AHSA1: variants seen among roughly 807,000 people sequenced by gnomAD.
AHSA1 encodes the protein activator of 90 kDa heat shock protein ATPase homolog 1.
In AHSA1, 14 loss-of-function variants were observed where a neutral mutation model predicts 46.1. The ratio of observed to expected loss-of-function variants is 0.30; its 90% CI spans 0.20 to 0.47. The LOEUF (loss-of-function observed/expected upper bound fraction) is 0.47. Ranked by LOEUF, AHSA1 falls within the 20% of genes least tolerant of loss-of-function variation. The pLI, the probability that AHSA1 is intolerant of heterozygous loss-of-function variation, is 0.99. For missense variants in AHSA1, 333 were observed against 415.9 expected, an observed-to-expected ratio of 0.80 and a Z score of 1.73; for synonymous variants, 147 against 145.8, an observed-to-expected ratio of 1.01 and a Z score of -0.06.
chr14:77,460,173 T>C (rs1474336631), intron 2 of AHSA1: 2 of 301,852 alleles, frequency 6.6e-6, no homozygotes, highest in Non-Finnish European at 1.3e-5. Flanking sequence ...GTGCACTGTC[T>C]TCAGTGTGAA....
At chr14:77,463,029 C>G (rs988997870) in intron 4 of AHSA1, 6 of 328,996 alleles carry the variant, frequency 1.8e-5, no homozygotes, top group African/African-American at 4.2e-5. Context: ...CTTGTAATCC[C>G]AGCACTGTTG....
intron 8 of AHSA1, chr14:77,468,740 T>TTTAAC: frequency 2.1e-6 from 1 of 468,336 alleles, no homozygotes; most frequent in Non-Finnish European, 3.7e-6. Context: ...TTTTTTTTTT[T>TTTAAC]TTTTTACTTT....
intron 8 of AHSA1, 155 bp downstream of exon 8, chr14:77,468,663 A>C: frequency 2.9e-6 from 2 of 680,426 alleles, no homozygotes. Flanking sequence ...CCCAGACCCA[A>C]ACGATCCTCC....
chr14:77,465,643 C>T lies in AHSA1; in HGVS notation c.666C>T (p.Leu222=). Residue 222 remains leucine, a synonymous_variant, in exon 6 of 9, where the codon CTC becomes CTT. Transcript: ENST00000216479. ...KETFLTSPEE[L]YRVFTTQELV... ...CCTTCCTGACGTCACCAGAGGAGCT[C>T]TATAGAGTGTTTACCACCCAAGAGG... 6.2e-7 allele frequency: 1 copy of T among 1,613,776 alleles called. No individual in the cohort carries two copies. The highest frequency in any genetic ancestry group is 1.1e-5 in the South Asian group (1 of 91,076).
At chr14:77,464,529 G>C in intron 4 of AHSA1, 69 bp from the exon 5 acceptor site, 2 of 1,315,402 alleles carry the variant, frequency 1.5e-6, no homozygotes, top group South Asian at 2.6e-5. Flanking sequence ...TGTTTGTCAA[G>C]CTGTAATGAA....
intron 6 of AHSA1, 51 bp downstream of exon 6, chr14:77,465,718 C>T: frequency 6.3e-7 from 1 of 1,599,020 alleles, no homozygotes; most frequent in Non-Finnish European, 8.5e-7. Context: ...TTCTAGGTGA[C>T]TTGAGTTGGG....
At chr14:77,459,462 A>C (rs573779407) in intron 1 of AHSA1, among the ~76,000 whole-genome samples, 154 bp from the exon 2 acceptor site, 1 of 152,270 alleles carries the variant, frequency 6.6e-6, no homozygotes, top group East Asian at 1.9e-4. Flanking sequence ...CCTAAAAAAG[A>C]ATGACATGTT....
In AHSA1 at chr14:77,462,671, T is replaced by C; in HGVS notation, c.384T>C (p.Pro128=). The change falls in exon 4 of 9, where the codon CCT becomes CCC. Residue 128 remains proline, a synonymous_variant. Coordinates refer to ENST00000216479, the MANE Select transcript of AHSA1 (RefSeq NM_012111.3). ...EISVSLAKDE[P]DTNLVALMKE... ...GTGTGAGCCTTGCCAAAGATGAGCC[T>C]GACACAAATCTCGTGGCCTTAATGA... is the stretch of plus-strand genomic sequence containing the variant. 6.2e-7 allele frequency: 1 copy of C among 1,614,178 alleles called. No individual in the cohort carries two copies. The highest frequency in any genetic ancestry group is 8.5e-7 in the Non-Finnish European group (1 of 1,180,008).
chr14:77,459,362 A>G (rs752455781), intron 1 of AHSA1, among the ~76,000 whole-genome samples: 4 of 152,128 alleles, frequency 2.6e-5, no homozygotes, highest in African/African-American at 4.8e-5. Context: ...CCGCACCATC[A>G]TGCCGAGAAA....
intron 2 of AHSA1, among the ~76,000 whole-genome samples, chr14:77,461,258 C>T (rs570414264): frequency 2.7e-5 from 4 of 150,130 alleles, no homozygotes; most frequent in Admixed American, 6.6e-5. Context: ...AAGCCAGGCG[C>T]GGCGGCTCAC....
intron 6 of AHSA1, among the ~76,000 whole-genome samples, chr14:77,467,397 C>CA (rs887153031): frequency 6.0e-5 from 9 of 149,386 alleles, no homozygotes; most frequent in Non-Finnish European, 1.2e-4. Flanking sequence ...AGACCTATCT[C>CA]AAAAAAAATA....
At chr14:77,464,045 T>C (rs897926961) in intron 4 of AHSA1, among the ~76,000 whole-genome samples, 1 of 152,258 alleles carries the variant, frequency 6.6e-6, no homozygotes, top group Admixed American at 6.5e-5. Context: ...GCACTTAATA[T>C]GTTATAATGT....
upstream of AHSA1, chr14:77,457,985 G>T (rs1281867456): frequency 3.8e-6 from 2 of 532,182 alleles, no homozygotes; most frequent in Non-Finnish European, 6.5e-6. Flanking sequence ...AACCCACGGT[G>T]CGGCGAGTTG....
intron 1 of AHSA1, among the ~76,000 whole-genome samples, chr14:77,459,395 G>C (rs2079010089): frequency 6.6e-6 from 1 of 152,144 alleles, no homozygotes; most frequent in East Asian, 1.9e-4. Flanking sequence ...TTTCCATTGA[G>C]TTTATACCAT....
intron 6 of AHSA1, among the ~76,000 whole-genome samples, chr14:77,466,759 T>C (rs1188758450): frequency 9.2e-5 from 14 of 152,232 alleles, no homozygotes; most frequent in Non-Finnish European, 1.6e-4. Context: ...ACTCCAGAGA[T>C]GTGTTATGAC....
chr14:77,462,106 C>G lies in AHSA1; in HGVS notation c.272-54C>G, dbSNP rs1013115682. 5 of 1,387,026 alleles carry G rather than the reference C, an allele frequency of 3.6e-6. No homozygotes were observed. The African/African-American group carries it at 7.1e-5, about 20-fold the overall frequency. 85.9% of individuals were successfully genotyped at this position (1,387,026 alleles called of 1,614,324 possible). A position where few individuals can be genotyped will look rare whatever the true frequency, so the allele number is the denominator to read the frequency against. ...TGAGGTAGCAGTTAGGACCCTGGAG[C>G]AGAGACCTTTCCTGCCAAGGAGTGG... On this transcript the variant is annotated intron_variant, in intron 2 of 8. Coordinates refer to ENST00000216479, the MANE Select transcript of AHSA1 (RefSeq NM_012111.3).
intron 1 of AHSA1, 45 bp downstream of exon 1, chr14:77,458,314 G>A: frequency 6.5e-7 from 1 of 1,534,428 alleles, no homozygotes; most frequent in Non-Finnish European, 8.8e-7. Context: ...CCTGCGGCCG[G>A]GCCAGGGTTT....
chr14:77,458,558 A>G (rs1464648352), intron 1 of AHSA1, among the ~76,000 whole-genome samples: 3 of 152,234 alleles, frequency 2.0e-5, no homozygotes, highest in Non-Finnish European at 4.4e-5. Flanking sequence ...CCGAGCAGGG[A>G]GGTGCTTATT....
chr14:77,463,593 A>AAC (rs1439447704), intron 4 of AHSA1, among the ~76,000 whole-genome samples: 1 of 144,048 alleles, frequency 6.9e-6, no homozygotes, highest in African/African-American at 2.5e-5. Context: ...CTCAAAAAAA[A>AAC]AAAAAACAAA....
Sources: gnomAD v4.1 joint callset for allele counts (sites outside exome capture counted in the v4.1 genomes callset) on GRCh38, gnomAD v4.1.1 for gene constraint, MANE v1.5 for transcripts, NCBI Gene and HGNC (gene_info 2026-07-23, HGNC 2026-07-21) for gene names.